Variants in SFI1 observed in about 807,000 individuals in gnomAD.
The protein encoded by SFI1 is protein SFI1 homolog.
A neutral mutation model predicts 207.5 loss-of-function variants in SFI1; 195 were observed. That is an observed-to-expected ratio of 0.94 (90% CI 0.84 to 1.06). SFI1 has a LOEUF of 1.06. Ranked by LOEUF, SFI1 falls within the 50% of genes least tolerant of loss-of-function variation. The pLI, the probability that SFI1 is intolerant of heterozygous loss-of-function variation, is 0.00. For synonymous variants in SFI1, 630 were observed against 598.9 expected (o/e 1.05, Z -0.76); for missense variants, 1,634 against 1,588.0 (o/e 1.03, Z -0.49).
At position 31,549,858 on chromosome 22, in the gene SFI1, C is replaced by G. The variant is rs528097770; in HGVS notation, c.450-396C>G. On this transcript the variant is annotated intron_variant, in intron 5 of 32. Coordinates refer to ENST00000400288, the MANE Select transcript of SFI1 (RefSeq NM_001007467.3). ...TTTTTTTTTTTTAATCAGAAGCGTC[C>G]CTGTTCATTTCTTCTGAGTATAGAA... 3.3e-5 allele frequency among the ~76,000 whole-genome samples: 5 copies of G among 150,910 alleles called. No individual in the cohort carries two copies. The South Asian group carries it at 1.0e-3, about 32-fold the overall frequency.
At chr22:31,547,608 G>A (rs1284943489) in intron 5 of SFI1, among the ~76,000 whole-genome samples, 3 of 147,150 alleles carry the variant, frequency 2.0e-5, no homozygotes, top group Non-Finnish European at 3.0e-5. Flanking sequence ...ACCGCGCCAG[G>A]CCTGTTTTTT....
chr22:31,566,835 T>C (rs2062361941), intron 8 of SFI1, among the ~76,000 whole-genome samples: 1 of 152,206 alleles, frequency 6.6e-6, no homozygotes, highest in South Asian at 2.1e-4. Context: ...AAACTTGTCT[T>C]AATTGTTCTT....
At chr22:31,524,582 T>C (rs1399721431) in intron 2 of SFI1, among the ~76,000 whole-genome samples, 1 of 151,918 alleles carries the variant, frequency 6.6e-6, no homozygotes, top group South Asian at 2.1e-4. Flanking sequence ...ACCACCATGC[T>C]TGGCCAATTT....
rs1027838766 is a variant in SFI1, at chr22:31,566,121, T to C, written c.765+4729T>C. 6.2e-5 allele frequency among the ~76,000 whole-genome samples: 5 copies of C among 80,260 alleles called. No homozygotes were observed. In the Admixed American group the frequency reaches 6.4e-4, roughly 10 times the overall value. The allele number at this position is 80,260 out of a possible 152,430, so 52.7% of individuals were successfully genotyped here. A position where few individuals can be genotyped will look rare whatever the true frequency, so the allele number is the denominator to read the frequency against. The stretch of plus-strand genomic sequence containing the variant: ...TACTACCAAGAGCATTCTTTTTCTA[T>C]TTTTTTTTTTTTTTTGAGACTCCGT... On this transcript the variant is annotated intron_variant, in intron 8 of 32. Transcript: ENST00000400288.
At chr22:31,501,475 A>G (rs1684168354) in intron 1 of SFI1, among the ~76,000 whole-genome samples, 1 of 152,038 alleles carries the variant, frequency 6.6e-6, no homozygotes, top group African/African-American at 2.4e-5. Context: ...CAGCTGACAT[A>G]ACTTTTATAT....
intron 2 of SFI1, among the ~76,000 whole-genome samples, chr22:31,517,374 A>C (rs1330129129): frequency 6.6e-6 from 1 of 152,004 alleles, no homozygotes; most frequent in Non-Finnish European, 1.5e-5. Context: ...CAGCCTCCCA[A>C]ATAGATGGCA....
intron 6 of SFI1, among the ~76,000 whole-genome samples, chr22:31,555,528 C>T (rs1245662301): frequency 6.6e-6 from 1 of 152,156 alleles, no homozygotes; most frequent in Admixed American, 6.6e-5. Context: ...TCAGTTGTCA[C>T]GTGCATCAGA....
intron 18 of SFI1, 93 bp downstream of exon 18, chr22:31,603,912 C>A: frequency 8.7e-7 from 1 of 1,150,700 alleles, no homozygotes; most frequent in Non-Finnish European, 1.2e-6. Context: ...TGGGCCACAC[C>A]ACCTACCTCT....
At chr22:31,543,810 A>T (rs1323712413) in intron 4 of SFI1, among the ~76,000 whole-genome samples, 5 of 137,712 alleles carry the variant, frequency 3.6e-5, no homozygotes, top group Non-Finnish European at 7.8e-5. Context: ...ACTCCATCTC[A>T]AAAAAAAAAA....
chr22:31,613,627 T>C lies in SFI1; in HGVS notation c.2768T>C (p.Val923Ala), dbSNP rs1223408196. Residue 923 changes from valine to alanine, a missense_variant, in exon 27 of 33, where the codon GTC becomes GCC. Coordinates refer to ENST00000400288, the MANE Select transcript of SFI1 (RefSeq NM_001007467.3). ...GCGGCTCACAGTCTCCATCGTGCCG[T>C]CCGCCGCTGTGCCACGCTCTGGAAA... ...VQAAHSLHRA[V>A]RRCATLWKQK... 4 of 1,592,078 alleles carry C rather than the reference T, an allele frequency of 2.5e-6. No homozygotes were observed. The South Asian group carries it at 3.4e-5, about 13-fold the overall frequency.
rs781591777 is a variant in SFI1, at chr22:31,613,743, C to T, written c.2884C>T (p.Arg962Cys). ...KVTFEGPLLN[R>C]IAAGAGDGTL... ...GACGTTTGAGGGTCCCCTTCTCAAC[C>T]GCATTGCTGCTGGGGCTGGGGATGG... Residue 962 changes from arginine to cysteine, a missense_variant, in exon 27 of 33, where the codon CGC becomes TGC. Arg to Cys is a radical substitution (Grantham distance 180). Coordinates refer to ENST00000400288, the MANE Select transcript of SFI1 (RefSeq NM_001007467.3). 64 of 1,613,046 alleles carry T rather than the reference C, an allele frequency of 4.0e-5. No individual in the cohort carries two copies. Among genetic ancestry groups the T allele is most frequent in the African/African-American group, 1.2e-4 (9 of 74,938 alleles).
In SFI1 at chr22:31,574,061, A is replaced by G. The variant is rs562858516; in HGVS notation, c.922+847A>G. ...ACTGTTTATATGGTTTTGTTTCCCA[A>G]TTAGATTCAGAAGTAATAATACATA... On this transcript the variant is annotated intron_variant, in intron 9 of 32. Transcript: ENST00000400288. Among the ~76,000 whole-genome samples, 3 of 152,274 alleles carry G rather than the reference A, an allele frequency of 2.0e-5. No individual in the cohort carries two copies. The East Asian group carries it at 5.8e-4, about 29-fold the overall frequency.
At position 31,606,343 on chromosome 22, in the gene SFI1, C is replaced by T; in HGVS notation, c.2070C>T (p.Arg690=). The change falls in exon 21 of 33, where the codon CGC becomes CGT. Residue 690 remains arginine, a synonymous_variant. Coordinates refer to ENST00000400288, the MANE Select transcript of SFI1 (RefSeq NM_001007467.3). ...NRQLLRGALR[R]WKENTMARVD... ...GCATCTGCAGCGGGGCATTACGTCG[C>T]TGGAAAGAGAACACCATGGCCCGAG... is the stretch of plus-strand genomic sequence containing the variant. The T allele has an allele frequency of 6.2e-7, 1 of 1,613,836 alleles. No individual in the cohort carries two copies. Among genetic ancestry groups the T allele is most frequent in the Non-Finnish European group, 8.5e-7 (1 of 1,180,020 alleles).
intron 29 of SFI1, 96 bp from the exon 30 acceptor site, chr22:31,616,645 CCCCA>C (rs2071551514): frequency 2.3e-6 from 3 of 1,326,974 alleles, no homozygotes; most frequent in Admixed American, 2.5e-5. Flanking sequence ...CCTGGTCTTC[CCCCA>C]CCCCTGCAGG....
intron 8 of SFI1, among the ~76,000 whole-genome samples, chr22:31,567,577 G>GC (rs1473585483): frequency 1.3e-5 from 2 of 151,216 alleles, no homozygotes; most frequent in Non-Finnish European, 3.0e-5. Context: ...GAGGGGGGGG[G>GC]TGTGTGTGTC....
chr22:31,613,321 A>G (rs374767260), intron 25 of SFI1, 33 bp from the exon 26 acceptor site: 7 of 1,602,884 alleles, frequency 4.4e-6, no homozygotes, highest in Admixed American at 1.7e-5. Context: ...CTAAGCAGGG[A>G]GACCTGGGCC....
intron 15 of SFI1, 78 bp from the exon 16 acceptor site, chr22:31,602,134 T>G: frequency 8.1e-6 from 10 of 1,236,114 alleles, no homozygotes; most frequent in South Asian, 1.2e-5. Context: ...AAAAATCCAA[T>G]TATTTGGAAC....
intron 6 of SFI1, among the ~76,000 whole-genome samples, chr22:31,555,334 C>T (rs549547226): frequency 6.6e-6 from 1 of 152,156 alleles, no homozygotes; most frequent in African/African-American, 2.4e-5. Flanking sequence ...CAAAAAAATA[C>T]AAAAATTAGC....
In SFI1 at chr22:31,541,443, G is replaced by A. The variant is rs562103894; in HGVS notation, c.339-5418G>A. Among the ~76,000 whole-genome samples the A allele has an allele frequency of 7.2e-5, 11 of 152,218 alleles. No homozygotes were observed. In the East Asian group the frequency reaches 1.9e-3, roughly 27 times the overall value. On this transcript the variant is annotated intron_variant, in intron 4 of 32. Transcript: ENST00000400288. ...ATGTTCATTTCACCATGTGCAAACG[G>A]TTCCTTTTTATTACAATTTTTTAGA...
Sources: allele counts gnomAD v4.1 joint callset (sites outside exome capture counted in the v4.1 genomes callset), GRCh38; gene constraint gnomAD v4.1.1; transcripts MANE v1.5; gene names NCBI Gene and HGNC (gene_info 2026-07-23, HGNC 2026-07-21).